Variants in RAB32 observed in about 807,000 individuals in gnomAD.
RAB32 encodes the protein ras-related protein Rab-32.
RAB32 carries 17 observed loss-of-function variants against 17.5 expected under a neutral mutation model. That is an observed-to-expected ratio of 0.97 (90% confidence interval 0.67 to 1.46). RAB32 has a LOEUF of 1.46. RAB32 is among the 40% of genes most tolerant of loss of function. RAB32 has a pLI of 0.00. For synonymous variants in RAB32, 115 were observed against 111.1 expected (o/e 1.04, Z -0.22); for missense variants, 288 against 284.3 (o/e 1.01, Z -0.09).
chr6:146,543,949 C>A lies in RAB32; in HGVS notation c.78C>A (p.Phe26Leu). 1.2e-6 allele frequency: 2 copies of A among 1,612,892 alleles called. No homozygotes were observed. The highest frequency in any genetic ancestry group is 1.3e-5 in the African/African-American group (1 of 74,998). The change falls in exon 1 of 3, where the codon TTC becomes TTA. Residue 26 changes from phenylalanine (F) to leucine (L), a missense_variant. By Grantham distance (22) the Phe-to-Leu change is conservative. Coordinates refer to ENST00000367495, the MANE Select transcript of RAB32 (RefSeq NM_006834.5). ...CGCCCGAGACCCGCGAGCACCTCTT[C>A]AAGGTGCTGGTGATCGGCGAGCTTG... The part of the protein sequence containing the change: ...APAPETREHL[F>L]KVLVIGELGV...
intron 2 of RAB32, among the ~76,000 whole-genome samples, chr6:146,552,917 A>T (rs1338006869): frequency 6.6e-6 from 1 of 152,248 alleles, no homozygotes; most frequent in Admixed American, 6.5e-5. Flanking sequence ...GGATACTGCC[A>T]TACAAGCTCC....
In RAB32 at chr6:146,543,962, A is replaced by T; in HGVS notation, c.91A>T (p.Ile31Phe). The T allele has an allele frequency of 6.2e-7, 1 of 1,613,210 alleles. No homozygotes were observed. The highest frequency in any genetic ancestry group is 8.5e-7 in the Non-Finnish European group (1 of 1,179,762). The change falls in exon 1 of 3, where the codon ATC becomes TTC. Residue 31 changes from isoleucine to phenylalanine, a missense_variant. Ile to Phe is a conservative substitution (Grantham distance 21, BLOSUM62 0). Transcript: ENST00000367495. ...TREHLFKVLV[I>F]GELGVGKTSI... is the part of the protein sequence containing the mutation. Reference sequence around the variant, plus strand: ...CGAGCACCTCTTCAAGGTGCTGGTGATCGGCGAGCTTGGCGTGGGCAAGAC... The same window carrying T: ...CGAGCACCTCTTCAAGGTGCTGGTGTTCGGCGAGCTTGGCGTGGGCAAGAC...
At chr6:146,546,483 A>G (rs566839434) in intron 1 of RAB32, among the ~76,000 whole-genome samples, 1 of 152,290 alleles carries the variant, frequency 6.6e-6, no homozygotes, top group Admixed American at 6.5e-5. Context: ...GCAAAACAAA[A>G]CAAAAAATCC....
chr6:146,549,579 T>A lies in RAB32; in HGVS notation c.366T>A (p.Ser122Arg). ...STFEAVLKWK[S>R]DLDSKVHLPN... ...TTGAGGCAGTCTTAAAATGGAAAAG[T>A]GATCTGGATAGTAAAGTTCATCTTC... The change falls in exon 2 of 3, where the codon AGT (serine) becomes AGA (arginine). Residue 122 changes from serine (S) to arginine (R), a missense_variant. By Grantham distance (110) the Ser-to-Arg change is moderately radical. Coordinates refer to ENST00000367495, the MANE Select transcript of RAB32 (RefSeq NM_006834.5). 1 of 1,614,194 alleles carries A rather than the reference T, an allele frequency of 6.2e-7. No homozygotes were observed. Among genetic ancestry groups the A allele is most frequent in the South Asian group, 1.1e-5 (1 of 91,088 alleles).
At position 146,554,696 on chromosome 6, in the gene RAB32, C is replaced by A; in HGVS notation, c.*91C>A. On this transcript the variant is annotated 3_prime_UTR_variant, in exon 3 of 3. Transcript: ENST00000367495. ...ATGTCATGTTAGCTGGGAGTCTTCC[C>A]ACATGTGGCACTTCAAAAGGCAGCA... 1 of 1,402,522 alleles carries A rather than the reference C, an allele frequency of 7.1e-7. No individual in the cohort carries two copies. Among genetic ancestry groups the A allele is most frequent in the Non-Finnish European group, 9.6e-7 (1 of 1,040,762 alleles). 86.9% of individuals were successfully genotyped at this position (1,402,522 alleles called of 1,614,324 possible).
At chr6:146,554,321 T>G in intron 2 of RAB32, 135 bp from the exon 3 acceptor site, 2 of 725,124 alleles carry the variant, frequency 2.8e-6, no homozygotes, top group Non-Finnish European at 2.2e-6. Flanking sequence ...GGGCACACAC[T>G]TTAGTATTAG....
At chr6:146,551,591 C>CA (rs1779899383) in intron 2 of RAB32, among the ~76,000 whole-genome samples, 52 of 64,752 alleles carry the variant, frequency 8.0e-4, no homozygotes, top group Non-Finnish European at 1.3e-3. Context: ...TGTAAAAAGA[C>CA]GAAAAAAAAA....
chr6:146,547,509 G>A (rs905437849), intron 1 of RAB32, among the ~76,000 whole-genome samples: 12 of 151,978 alleles, frequency 7.9e-5, no homozygotes, highest in African/African-American at 2.2e-4. Context: ...TGTGTGCTTG[G>A]AAGATATAAA....
chr6:146,549,676 C>T lies in RAB32; in HGVS notation c.463C>T (p.Pro155Ser), dbSNP rs1393453348. The T allele has an allele frequency of 6.2e-7, 1 of 1,614,078 alleles. No individual in the cohort carries two copies. Among genetic ancestry groups the T allele is most frequent in the African/African-American group, 1.3e-5 (1 of 74,930 alleles). Residue 155 changes from proline to serine, a missense_variant, in exon 2 of 3, where the codon CCT becomes TCT. Physicochemically the swap from Pro to Ser is moderately conservative, Grantham distance 74. Transcript: ENST00000367495. ...CCAGAACAAGGACAGTAGCCAGAGTCCTTCCCAGGTGGACCAATTCTGCAA... is the reference window on the plus strand; with the variant it reads ...CCAGAACAAGGACAGTAGCCAGAGTTCTTCCCAGGTGGACCAATTCTGCAA... ...CDQNKDSSQSPSQVDQFCKEH... is the reference protein window; with the variant it reads ...CDQNKDSSQSSSQVDQFCKEH...
intron 2 of RAB32, among the ~76,000 whole-genome samples, chr6:146,553,129 C>T (rs145537830): frequency 3.0e-3 from 455 of 152,124 alleles, no homozygotes; most frequent in Non-Finnish European, 4.6e-3. Context: ...AGGTTAGTCA[C>T]GTATGTATAC....
chr6:146,547,996 T>C (rs1266987605), intron 1 of RAB32, among the ~76,000 whole-genome samples: 2 of 152,218 alleles, frequency 1.3e-5, no homozygotes, highest in African/African-American at 4.8e-5. Context: ...GTGCACTGCA[T>C]TTGAAATTGG....
At chr6:146,547,722 CAA>C (rs34641788) in intron 1 of RAB32, among the ~76,000 whole-genome samples, 57,453 of 109,332 alleles carry the variant, frequency 0.53, 15,478 homozygotes, top group Non-Finnish European at 0.68. Context: ...AGATGATTCA[CAA>C]AAAAAAAAAA....
At chr6:146,547,856 G>C (rs1318697701) in intron 1 of RAB32, among the ~76,000 whole-genome samples, 1 of 151,800 alleles carries the variant, frequency 6.6e-6, no homozygotes, top group Non-Finnish European at 1.5e-5. Flanking sequence ...CAAAGGAATA[G>C]TTTATTACCA....
intron 1 of RAB32, 103 bp downstream of exon 1, chr6:146,544,224 T>C: frequency 2.8e-6 from 4 of 1,411,648 alleles, no homozygotes; most frequent in Non-Finnish European, 3.8e-6. Context: ...TCTGCCTGGG[T>C]ACCTTTAGGA....
chr6:146,550,932 G>A (rs932465636), intron 2 of RAB32, among the ~76,000 whole-genome samples: 5 of 152,094 alleles, frequency 3.3e-5, no homozygotes, highest in Admixed American at 2.0e-4. Context: ...ATATATGTAT[G>A]TATGTATGAT....
intron 2 of RAB32, among the ~76,000 whole-genome samples, chr6:146,553,512 G>C (rs1165538034): frequency 6.6e-6 from 1 of 152,144 alleles, no homozygotes; most frequent in Non-Finnish European, 1.5e-5. Context: ...AGTGCTCTCT[G>C]AGAGTGTCAA....
chr6:146,545,361 C>G (rs746718532), intron 1 of RAB32, among the ~76,000 whole-genome samples: 1 of 151,894 alleles, frequency 6.6e-6, no homozygotes, highest in South Asian at 2.1e-4. Context: ...AGAATGGGAG[C>G]TGGTTTAGGG....
chr6:146,546,387 T>C (rs1228779780), intron 1 of RAB32, among the ~76,000 whole-genome samples: 4 of 151,292 alleles, frequency 2.6e-5, no homozygotes, highest in African/African-American at 9.7e-5. Context: ...AATTTTAATA[T>C]CTCTGAATAT....
At chr6:146,546,070 CTCT>C (rs1222069565) in intron 1 of RAB32, among the ~76,000 whole-genome samples, 4 of 152,016 alleles carry the variant, frequency 2.6e-5, no homozygotes, top group Non-Finnish European at 5.9e-5. Context: ...CTGGTATCAC[CTCT>C]TCTTTTTTTA....
Sources: allele counts gnomAD v4.1 joint callset (sites outside exome capture counted in the v4.1 genomes callset), GRCh38; gene constraint gnomAD v4.1.1; transcripts MANE v1.5; gene names NCBI Gene and HGNC (gene_info 2026-07-23, HGNC 2026-07-21).